The following CMKLR1 variants were observed in gnomAD, a reference collection of about 807,000 sequenced individuals.
The protein encoded by CMKLR1 is chemerin chemokine-like receptor 1, also known as chemerin-like receptor 1.
CMKLR1 carries 6 observed loss-of-function variants against 8.2 expected under a neutral mutation model. That is an observed-to-expected ratio of 0.73 (90% CI 0.40 to 1.44). The LOEUF is 1.44. Among genes scored for constraint, CMKLR1 ranks in the 40% most tolerant of loss-of-function variants. The pLI is 0.02. For synonymous variants in CMKLR1, 178 were observed against 181.2 expected, an observed-to-expected ratio of 0.98 and a Z score of 0.14; for missense variants, 429 against 478.0, an observed-to-expected ratio of 0.90 and a Z score of 0.96.
At chr12:108,311,282 G>A (rs930922243) in intron 2 of CMKLR1, among the ~76,000 whole-genome samples, 2 of 143,928 alleles carry the variant, frequency 1.4e-5, no homozygotes, top group African/African-American at 5.3e-5. Context: ...TGGTTGACAT[G>A]AATGTGTGTA....
At chr12:108,293,282 G>T (rs1396146273) in intron 3 of CMKLR1, among the ~76,000 whole-genome samples, 1 of 152,130 alleles carries the variant, frequency 6.6e-6, no homozygotes, top group Non-Finnish European at 1.5e-5. Flanking sequence ...GCTAGGAAAA[G>T]GCAGACCTGT....
At chr12:108,293,526 G>C (rs1283307869) in intron 3 of CMKLR1, 63 bp downstream of exon 3, 5 of 1,537,294 alleles carry the variant, frequency 3.3e-6, no homozygotes, top group South Asian at 1.2e-5. Flanking sequence ...TGATCCCCCT[G>C]TGCACCCAAT....
At chr12:108,322,696 A>G (rs1891890459) in intron 2 of CMKLR1, among the ~76,000 whole-genome samples, 2 of 151,966 alleles carry the variant, frequency 1.3e-5, no homozygotes, top group South Asian at 4.1e-4. Flanking sequence ...TCCTCATGTG[A>G]TGCTGGCTCC....
At chr12:108,314,160 AG>A (rs1289262822) in intron 2 of CMKLR1, among the ~76,000 whole-genome samples, 1 of 152,198 alleles carries the variant, frequency 6.6e-6, no homozygotes, top group Non-Finnish European at 1.5e-5. Flanking sequence ...TCACTTATAC[AG>A]GGAACATAAA....
Position 108,291,628 on chromosome 12 carries a change from G to A in CMKLR1, c.*213C>T, listed in dbSNP as rs952909260. On this transcript the variant is annotated 3_prime_UTR_variant, in exon 4 of 4. Transcript: ENST00000550402. ...GCTGGCCTCCCAAGAAGCATAAATT[G>A]CTAGTCCAAGGCTGTATGGAACACA... 35 of 543,552 alleles carry A rather than the reference G, an allele frequency of 6.4e-5. No homozygotes were observed. Among genetic ancestry groups the A allele is most frequent in the African/African-American group, 4.7e-4 (25 of 52,724 alleles). The allele number at this position is 543,552 out of a possible 1,614,324, so 33.7% of individuals were successfully genotyped here. A position where few individuals can be genotyped will look rare whatever the true frequency, so the allele number is the denominator to read the frequency against.
chr12:108,292,778 A>AC lies in CMKLR1; in HGVS notation c.184_185insG (p.Ile62SerfsTer75), dbSNP rs773683372. 1.9e-6 allele frequency: 3 copies of AC among 1,614,158 alleles called. No individual in the cohort carries two copies. Among genetic ancestry groups the AC allele is most frequent in the Admixed American group, 1.7e-5 (1 of 60,030 alleles). ...CTTCATCTTGAAGGTGGCAATGATG[A>AC]TCACCAGACCATTGCCCAGAATCCC... is the stretch of plus-strand genomic sequence containing the variant. On this transcript the variant is annotated frameshift_variant, in exon 4 of 4. Transcript: ENST00000550402. LOFTEE classifies it low-confidence loss of function (END_TRUNC).
chr12:108,322,218 C>T (rs377491022), intron 2 of CMKLR1, among the ~76,000 whole-genome samples: 1 of 152,174 alleles, frequency 6.6e-6, no homozygotes. Flanking sequence ...CGGGTTGGAA[C>T]TCCTGCTGGA....
At chr12:108,313,346 A>G (rs2374985) in intron 2 of CMKLR1, among the ~76,000 whole-genome samples, 114,104 of 151,660 alleles carry the variant, frequency 0.75, 43,747 homozygotes, top group East Asian at 0.97. Flanking sequence ...AGTCATTGCT[A>G]GAGAGGCTTT....
intron 1 of CMKLR1, among the ~76,000 whole-genome samples, chr12:108,337,646 G>C (rs760262055): frequency 3.3e-5 from 5 of 152,096 alleles, no homozygotes; most frequent in Non-Finnish European, 7.4e-5. Flanking sequence ...AACAAGTCAA[G>C]CCAGAGAAAG....
At chr12:108,316,639 C>T (rs1207467757) in intron 2 of CMKLR1, among the ~76,000 whole-genome samples, 1 of 152,182 alleles carries the variant, frequency 6.6e-6, no homozygotes, top group African/African-American at 2.4e-5. Context: ...CCGGTGTGGG[C>T]AGGGAGGGGC....
At chr12:108,293,528 G>T in intron 3 of CMKLR1, 61 bp downstream of exon 3, 2 of 1,539,164 alleles carry the variant, frequency 1.3e-6, no homozygotes, top group African/African-American at 1.4e-5. Flanking sequence ...ATCCCCCTGT[G>T]CACCCAATCT....
At chr12:108,310,712 G>C (rs1189538859) in intron 2 of CMKLR1, among the ~76,000 whole-genome samples, 2 of 152,156 alleles carry the variant, frequency 1.3e-5, no homozygotes, top group East Asian at 3.9e-4. Flanking sequence ...GGCCCATACT[G>C]TCCAGTCCTG....
chr12:108,289,457 C>T lies in CMKLR1; in HGVS notation c.*2384G>A, dbSNP rs1251686194. 2 of 152,272 alleles carry T rather than the reference C, an allele frequency of 1.3e-5. No individual in the cohort carries two copies. Among genetic ancestry groups the T allele is most frequent in the African/African-American group, 4.8e-5 (2 of 41,464 alleles). The allele number at this position is 152,272 out of a possible 1,614,324, so 9.4% of individuals were successfully genotyped here. ...AGCAGCCAGAAAGAGGGAGGCCAGA[C>T]TCTAAGGAGGAAAACAGCCGGTTTG... is the stretch of plus-strand genomic sequence containing the variant. On this transcript the variant is annotated 3_prime_UTR_variant, in exon 4 of 4. Coordinates refer to ENST00000550402, the MANE Select transcript of CMKLR1 (RefSeq NM_001142343.2).
chr12:108,315,653 G>A (rs1014594643), intron 2 of CMKLR1, among the ~76,000 whole-genome samples: 3 of 152,324 alleles, frequency 2.0e-5, no homozygotes, highest in Middle Eastern at 3.4e-3. Flanking sequence ...GCTGTTTCAG[G>A]AGGTAGCCAT....
At position 108,292,991 on chromosome 12, in the gene CMKLR1, C is replaced by T. The variant is rs369733869; in HGVS notation, c.4-32G>A. 18 of 1,565,208 alleles carry T rather than the reference C, an allele frequency of 1.2e-5. No homozygotes were observed. The African/African-American group carries it at 2.0e-4, about 18-fold the overall frequency. ...GAGAAGACAGGGACCATTAGAGGAACCCTAGAGTTGGCTTTAAGAGGTTGA... is the reference window on the plus strand; with the variant it reads ...GAGAAGACAGGGACCATTAGAGGAATCCTAGAGTTGGCTTTAAGAGGTTGA... On this transcript the variant is annotated intron_variant, in intron 3 of 3. Transcript: ENST00000550402.
rs1197902833 is a variant in CMKLR1, at chr12:108,291,994, G to A, written c.969C>T (p.Phe323=). 2.5e-6 allele frequency: 4 copies of A among 1,614,060 alleles called. No individual in the cohort carries two copies. The highest frequency in any genetic ancestry group is 2.2e-5 in the East Asian group (1 of 44,898). The change falls in exon 4 of 4, where the codon TTC becomes TTT. Residue 323 remains phenylalanine (F), a synonymous_variant. Coordinates refer to ENST00000550402, the MANE Select transcript of CMKLR1 (RefSeq NM_001142343.2). The stretch of plus-strand genomic sequence containing the variant: ...AGAAGAGGGCCACCTTGAACTTCTT[G>A]AAGTCCTGACCCATGAAAACATACA... ...PILYVFMGQD[F]KKFKVALFSR... is the part of the protein sequence containing the mutation.
At chr12:108,307,034 AG>A (rs1245355529) in intron 2 of CMKLR1, among the ~76,000 whole-genome samples, 2 of 152,118 alleles carry the variant, frequency 1.3e-5, no homozygotes, top group African/African-American at 4.8e-5. Context: ...ACACCGCCCC[AG>A]CCCCTGGAGC....
chr12:108,323,532 A>G (rs1002533842), intron 2 of CMKLR1, among the ~76,000 whole-genome samples: 12 of 152,126 alleles, frequency 7.9e-5, no homozygotes, highest in Admixed American at 5.2e-4. Context: ...GAACCTGAGG[A>G]ATGAACAAGG....
At chr12:108,307,526 C>A (rs1891441199) in intron 2 of CMKLR1, among the ~76,000 whole-genome samples, 1 of 152,218 alleles carries the variant, frequency 6.6e-6, no homozygotes. Context: ...GGGAGAAGGG[C>A]AAGGAGGTGG....
Sources: gnomAD v4.1 joint callset for allele counts (sites outside exome capture counted in the v4.1 genomes callset) on GRCh38, gnomAD v4.1.1 for gene constraint, MANE v1.5 for transcripts, NCBI Gene and HGNC (gene_info 2026-07-23, HGNC 2026-07-21) for gene names.